CPA6: variants seen among roughly 807,000 people sequenced by gnomAD.
CPA6 encodes the protein carboxypeptidase A6.
A neutral mutation model predicts 63.3 loss-of-function variants in CPA6; 58 were observed. The ratio of observed to expected loss-of-function variants is 0.92; its 90% confidence interval spans 0.74 to 1.14. The LOEUF (loss-of-function observed/expected upper bound fraction) is 1.14. CPA6 is among the 50% of genes most tolerant of loss of function. The probability of loss-of-function intolerance (pLI) is 0.00; values close to 1 mark genes in which losing one functional copy is unlikely to be tolerated. For synonymous variants in CPA6, 185 were observed against 179.0 expected, an observed-to-expected ratio of 1.03 and a Z score of -0.27; for missense variants, 565 against 526.6, an observed-to-expected ratio of 1.07 and a Z score of -0.71.
intron 8 of CPA6, among the ~76,000 whole-genome samples, chr8:67,449,364 A>G (rs1247999667): frequency 6.6e-6 from 1 of 152,264 alleles, no homozygotes. Flanking sequence ...CTACAGCAGC[A>G]TTAAAGTATG....
chr8:67,615,612 G>T (rs1269785221), intron 2 of CPA6, among the ~76,000 whole-genome samples: 1 of 152,186 alleles, frequency 6.6e-6, no homozygotes, highest in South Asian at 2.1e-4. Flanking sequence ...AGTGGCCTGT[G>T]CACATAAGCC....
intron 8 of CPA6, among the ~76,000 whole-genome samples, chr8:67,436,386 AT>A (rs200562889): frequency 0.027 from 3,763 of 137,052 alleles, 121 homozygotes; most frequent in African/African-American, 0.083. Context: ...GTTGTTGGGT[AT>A]TTTTTTTTTT....
At chr8:67,651,132 C>A (rs1815827379) in intron 1 of CPA6, among the ~76,000 whole-genome samples, 1 of 152,146 alleles carries the variant, frequency 6.6e-6, no homozygotes, top group Non-Finnish European at 1.5e-5. Flanking sequence ...TTACATGAAA[C>A]TTAATGGCTT....
chr8:67,644,783 G>C (rs927129448), intron 1 of CPA6, among the ~76,000 whole-genome samples: 1 of 152,146 alleles, frequency 6.6e-6, no homozygotes, highest in Non-Finnish European at 1.5e-5. Flanking sequence ...AGGGAACCAG[G>C]CTTCTTGGCC....
intron 2 of CPA6, among the ~76,000 whole-genome samples, chr8:67,592,322 T>C (rs897655011): frequency 1.1e-4 from 16 of 152,336 alleles, no homozygotes; most frequent in East Asian, 7.7e-4. Flanking sequence ...CATCAATGTT[T>C]GTCAAGGATA....
chr8:67,607,189 CT>C (rs1814674821), intron 2 of CPA6, among the ~76,000 whole-genome samples: 1 of 44,776 alleles, frequency 2.2e-5, no homozygotes, highest in African/African-American at 9.2e-5. Flanking sequence ...TCTTCTTCTT[CT>C]TCTTCTTCTT....
At chr8:67,549,463 C>T (rs1472101727) in intron 2 of CPA6, among the ~76,000 whole-genome samples, 2 of 152,134 alleles carry the variant, frequency 1.3e-5, no homozygotes, top group Non-Finnish European at 2.9e-5. Context: ...AAGTTTCCTC[C>T]CACACTCTTC....
intron 1 of CPA6, among the ~76,000 whole-genome samples, chr8:67,711,702 C>CAT (rs1817264732): frequency 6.7e-6 from 1 of 149,466 alleles, no homozygotes; most frequent in Admixed American, 6.6e-5. Context: ...CACACACACA[C>CAT]ACACACACAC....
chr8:67,452,654 G>A (rs888631993), intron 8 of CPA6: 8 of 152,200 alleles, frequency 5.3e-5, no homozygotes, highest in Non-Finnish European at 7.3e-5. Context: ...TGGTGGTGGC[G>A]AGACAATAGA....
intron 2 of CPA6, among the ~76,000 whole-genome samples, chr8:67,622,278 A>C (rs183829638): frequency 9.2e-5 from 14 of 152,370 alleles, no homozygotes; most frequent in African/African-American, 3.1e-4. Context: ...CTTCCACTCA[A>C]AACTTGCTTT....
At position 67,432,126 on chromosome 8, in the gene CPA6, G is replaced by C. The variant is rs76551107; in HGVS notation, c.1041+1912C>G. ...ATGAGATGACTTGGGGCTGGAGGCC[G>C]CTAAGTAGCTTCAGGATGCAGGGTG... On this transcript the variant is annotated intron_variant, in intron 9 of 10. Coordinates refer to ENST00000297770, the MANE Select transcript of CPA6 (RefSeq NM_020361.5). Among the ~76,000 whole-genome samples, 188 of 152,284 alleles carry C rather than the reference G, an allele frequency of 1.2e-3. 1 individual carries two copies. Among genetic ancestry groups the C allele is most frequent in the African/African-American group, 4.4e-3 (184 of 41,554 alleles).
intron 8 of CPA6, among the ~76,000 whole-genome samples, chr8:67,474,274 T>G (rs1444897019): frequency 6.6e-6 from 1 of 152,142 alleles, no homozygotes; most frequent in African/African-American, 2.4e-5. Context: ...CAGACTTGAG[T>G]GCAGTGGTGC....
At chr8:67,631,465 A>G (rs1037747849) in intron 1 of CPA6, among the ~76,000 whole-genome samples, 1 of 152,066 alleles carries the variant, frequency 6.6e-6, no homozygotes. Flanking sequence ...TAGCTAATCT[A>G]GTGGGGACTT....
intron 1 of CPA6, among the ~76,000 whole-genome samples, chr8:67,675,209 C>T (rs1265398177): frequency 6.6e-6 from 1 of 152,258 alleles, no homozygotes; most frequent in African/African-American, 2.4e-5. Context: ...CTAAAAAAAT[C>T]TCCTAAACAA....
intron 2 of CPA6, among the ~76,000 whole-genome samples, chr8:67,616,253 T>C (rs572369819): frequency 3.3e-5 from 5 of 152,320 alleles, no homozygotes; most frequent in South Asian, 2.1e-4. Flanking sequence ...CTGTTGACTA[T>C]GGTGAACACT....
At chr8:67,497,479 T>C (rs937622078) in intron 6 of CPA6, among the ~76,000 whole-genome samples, 1 of 152,176 alleles carries the variant, frequency 6.6e-6, no homozygotes, top group East Asian at 1.9e-4. Flanking sequence ...GTTATACCAA[T>C]AAAAAAACTA....
At chr8:67,511,763 T>C in intron 3 of CPA6, 108 bp from the exon 4 acceptor site, 1 of 676,036 alleles carries the variant, frequency 1.5e-6, no homozygotes, top group Non-Finnish European at 2.7e-6. Context: ...ACTGTGGTGA[T>C]CAATATTCCT....
chr8:67,513,301 C>G (rs1399620288), intron 3 of CPA6, among the ~76,000 whole-genome samples: 1 of 152,126 alleles, frequency 6.6e-6, no homozygotes, highest in Admixed American at 6.6e-5. Context: ...CCAAATGAAC[C>G]TCCATGTCAA....
At chr8:67,607,261 C>G (rs1814690382) in intron 2 of CPA6, among the ~76,000 whole-genome samples, 1 of 141,494 alleles carries the variant, frequency 7.1e-6, no homozygotes, top group African/African-American at 2.6e-5. Flanking sequence ...TCTCCTCCTC[C>G]TCCTTTCTTC....
Sources: allele counts gnomAD v4.1 joint callset (sites outside exome capture counted in the v4.1 genomes callset), GRCh38; gene constraint gnomAD v4.1.1; transcripts MANE v1.5; gene names NCBI Gene and HGNC (gene_info 2026-07-23, HGNC 2026-07-21).